TBC1D9: variants seen among roughly 807,000 people sequenced by gnomAD.
TBC1D9 encodes the protein TBC1 domain family member 9A.
A neutral mutation model predicts 132.0 loss-of-function variants in TBC1D9; 63 were observed. The observed-to-expected ratio is 0.48, with a 90% CI of 0.39 to 0.59. The LOEUF (loss-of-function observed/expected upper bound fraction) is 0.59, where lower values mean the gene tolerates loss of function less well. TBC1D9 is among the 20% of genes least tolerant of loss of function. The pLI, the probability that TBC1D9 is intolerant of heterozygous loss-of-function variation, is 0.00. For synonymous variants in TBC1D9, 610 were observed against 609.9 expected (o/e 1.00, Z 0.00); for missense variants, 1,261 against 1,592.7 (o/e 0.79, Z 3.54).
intron 1 of TBC1D9, among the ~76,000 whole-genome samples, chr4:140,731,170 A>T (rs931989313): frequency 6.6e-6 from 1 of 152,170 alleles, no homozygotes; most frequent in Non-Finnish European, 1.5e-5. Flanking sequence ...TCAAGCACTT[A>T]TTGCTGAGTA....
In TBC1D9 at chr4:140,633,983, G is replaced by A. The variant is rs770460701; in HGVS notation, c.2711C>T (p.Ser904Phe). Residue 904 changes from serine to phenylalanine, a missense_variant, in exon 16 of 21, where the codon TCT (serine) becomes TTT (phenylalanine). By Grantham distance (155) the Ser-to-Phe change is radical. This residue lies in a region of TBC1D9 where 618 missense variants were observed against 724.4 expected (regional missense o/e 0.85). Transcript: ENST00000442267. ...LFQLLDENGD[S>F]LINFREFVSG... is the part of the protein sequence containing the mutation. ...GACAAACTCCCGGAAGTTAATCAAA[G>A]AGTCTCCATTTTCATCTAATAACTG... 1.2e-6 allele frequency: 2 copies of A among 1,613,972 alleles called. No individual in the cohort carries two copies. The highest frequency in any genetic ancestry group is 4.5e-5 in the East Asian group (2 of 44,882).
chr4:140,692,905 A>C (rs1737898593), intron 2 of TBC1D9, among the ~76,000 whole-genome samples: 1 of 152,084 alleles, frequency 6.6e-6, no homozygotes, highest in South Asian at 2.1e-4. Flanking sequence ...CTGTAGTCCC[A>C]GCTACTCGGG....
At position 140,676,917 on chromosome 4, in the gene TBC1D9, T is replaced by C. The variant is rs747558124; in HGVS notation, c.1036A>G (p.Ser346Gly). ...CFTSKEENLCSLIIPLREVTI... is the reference protein window; with the variant it reads ...CFTSKEENLCGLIIPLREVTI... The stretch of plus-strand genomic sequence containing the variant: ...ACCTCACGGAGCGGGATAATGAGGC[T>C]ACATAAGTTCTCCTCCTTGCTGGTA... The change falls in exon 6 of 21, where the codon AGC becomes GGC. Residue 346 changes from serine (S) to glycine (G), a missense_variant. By Grantham distance (56) the Ser-to-Gly change is moderately conservative. Around this residue, in one of 3 missense-constraint regions of TBC1D9, gnomAD observed 550 missense variants for 699.0 expected, o/e 0.79. Transcript: ENST00000442267. The C allele has an allele frequency of 3.1e-6, 5 of 1,613,998 alleles. No homozygotes were observed. The East Asian group carries it at 8.9e-5, about 29-fold the overall frequency.
intron 18 of TBC1D9, among the ~76,000 whole-genome samples, chr4:140,625,793 G>C (rs1424864078): frequency 6.6e-6 from 1 of 152,164 alleles, no homozygotes; most frequent in Non-Finnish European, 1.5e-5. Flanking sequence ...AACTGTATAG[G>C]TAGTTTGATC....
In TBC1D9 at chr4:140,627,455, G is replaced by A. The variant is rs866151497; in HGVS notation, c.2885C>T (p.Pro962Leu). The change falls in exon 18 of 21, where the codon CCA (proline) becomes CTA (leucine). Residue 962 changes from proline to leucine, a missense_variant. Pro to Leu is a moderately conservative substitution (Grantham distance 98, BLOSUM62 -3). Transcript: ENST00000442267. ...AAGTCACTTACCATGTGTACATTCT[G>A]GGGTAATATCTTCAAAGAAGTACTG... ...ATQYFFEDIT[P>L]ECTHVVGLDS... 1.2e-6 allele frequency: 2 copies of A among 1,603,780 alleles called. No homozygotes were observed. The highest frequency in any genetic ancestry group is 1.7e-6 in the Non-Finnish European group (2 of 1,172,048).
At chr4:140,641,097 AAAAAAAAC>A (rs1206533664) in intron 13 of TBC1D9, among the ~76,000 whole-genome samples, 5,436 of 120,952 alleles carry the variant, frequency 0.045, 285 homozygotes, top group African/African-American at 0.13. Flanking sequence ...AAGCAAAAAA[AAAAAAAAC>A]AAAAAAAAAC....
At chr4:140,628,760 G>C (rs1396116687) in intron 16 of TBC1D9, among the ~76,000 whole-genome samples, 1 of 152,126 alleles carries the variant, frequency 6.6e-6, no homozygotes, top group Admixed American at 6.5e-5. Context: ...CATGTGATTG[G>C]GGCACAACAT....
chr4:140,748,884 A>C (rs558862192), intron 1 of TBC1D9, among the ~76,000 whole-genome samples: 63 of 152,280 alleles, frequency 4.1e-4, no homozygotes, highest in African/African-American at 1.5e-3. Context: ...AAAATGGTAA[A>C]CGTGTAGAGA....
At chr4:140,645,824 C>T (rs1055057125) in intron 13 of TBC1D9, among the ~76,000 whole-genome samples, 105 of 152,314 alleles carry the variant, frequency 6.9e-4, no homozygotes, top group Non-Finnish European at 1.4e-3. Flanking sequence ...GCCTGAGCAC[C>T]GGCTGCTGGC....
rs1012151849 is a variant in TBC1D9, at chr4:140,669,023, A to G, written c.1482T>C (p.Ala494=). 3 of 1,614,024 alleles carry G rather than the reference A, an allele frequency of 1.9e-6. No individual in the cohort carries two copies. The highest frequency in any genetic ancestry group is 2.5e-6 in the Non-Finnish European group (3 of 1,179,888). The change falls in exon 9 of 21, where the codon GCT becomes GCC. Residue 494 remains alanine, a synonymous_variant. Coordinates refer to ENST00000442267, the MANE Select transcript of TBC1D9 (RefSeq NM_015130.3). The part of the protein sequence containing the change: ...LKEQAWKIHF[A]EYGQGICMYR... ...ACATGCAGATCCCTTGCCCATACTCAGCAAAGTGAATCTTCCAGGCTTGCT... is the reference window on the plus strand; with the variant it reads ...ACATGCAGATCCCTTGCCCATACTCGGCAAAGTGAATCTTCCAGGCTTGCT...
chr4:140,743,974 T>C (rs551947331), intron 1 of TBC1D9, among the ~76,000 whole-genome samples: 3 of 152,292 alleles, frequency 2.0e-5, no homozygotes, highest in African/African-American at 7.2e-5. Context: ...ACCCAGAAGT[T>C]GTTAAATGTC....
intron 3 of TBC1D9, among the ~76,000 whole-genome samples, chr4:140,683,744 G>A (rs958321688): frequency 7.9e-5 from 12 of 152,226 alleles, no homozygotes; most frequent in Admixed American, 7.9e-4. Flanking sequence ...CAACCAAAAT[G>A]CTGAAAGCAA....
chr4:140,626,336 T>C (rs1245020742), intron 18 of TBC1D9, among the ~76,000 whole-genome samples: 1 of 152,210 alleles, frequency 6.6e-6, no homozygotes, highest in East Asian at 1.9e-4. Context: ...GGAACCTGCC[T>C]GCACTCACCT....
chr4:140,686,161 T>A (rs1227093999), intron 3 of TBC1D9, among the ~76,000 whole-genome samples, 183 bp downstream of exon 3: 1 of 151,932 alleles, frequency 6.6e-6, no homozygotes, highest in Non-Finnish European at 1.5e-5. Context: ...TCTTAGAAAA[T>A]ACACACTGAA....
At chr4:140,664,958 T>C (rs1737419238) in intron 9 of TBC1D9, among the ~76,000 whole-genome samples, 1 of 151,756 alleles carries the variant, frequency 6.6e-6, no homozygotes, top group African/African-American at 2.4e-5. Flanking sequence ...AATACAAAAA[T>C]TAGCCAGGCG....
chr4:140,747,217 T>C (rs1424921467), intron 1 of TBC1D9, among the ~76,000 whole-genome samples: 3 of 151,848 alleles, frequency 2.0e-5, no homozygotes, highest in Admixed American at 2.0e-4. Context: ...CCAGGCATGG[T>C]GGCATGCACC....
chr4:140,643,466 G>T (rs1737044100), intron 13 of TBC1D9: 5 of 899,978 alleles, frequency 5.6e-6, no homozygotes, highest in Non-Finnish European at 9.1e-6. Context: ...CTTCCAGGTA[G>T]CAGGTGCTGC....
intron 1 of TBC1D9, among the ~76,000 whole-genome samples, chr4:140,728,401 T>TAA (rs35141147): frequency 2.1e-5 from 3 of 143,008 alleles, no homozygotes; most frequent in African/African-American, 2.5e-5. Flanking sequence ...CTTTAAATGG[T>TAA]AAAAAAAAAA....
At position 140,701,425 on chromosome 4, in the gene TBC1D9, G is replaced by C; in HGVS notation, c.241+79C>G. ...CAGTGATTGCATTCAGCAAGTACACGTTCCTTTCCTTCTGATAAAAAGTTG... is the reference window on the plus strand; with the variant it reads ...CAGTGATTGCATTCAGCAAGTACACCTTCCTTTCCTTCTGATAAAAAGTTG... On this transcript the variant is annotated intron_variant, in intron 2 of 20. Coordinates refer to ENST00000442267, the MANE Select transcript of TBC1D9 (RefSeq NM_015130.3). 3.8e-6 allele frequency: 4 copies of C among 1,060,474 alleles called. No individual in the cohort carries two copies. The East Asian group carries it at 1.0e-4, about 27-fold the overall frequency. The allele number at this position is 1,060,474 out of a possible 1,614,324, so 65.7% of individuals were successfully genotyped here.
Sources: gnomAD v4.1 joint callset for allele counts (sites outside exome capture counted in the v4.1 genomes callset) on GRCh38, gnomAD v4.1.1 for gene constraint, gnomAD v4.1.1 regional missense constraint, MANE v1.5 for transcripts, NCBI Gene and HGNC (gene_info 2026-07-23, HGNC 2026-07-21) for gene names.